Variants in SLC5A10 observed in about 807,000 individuals in gnomAD.
The protein encoded by SLC5A10 is sodium/mannose cotransporter SLC5A10.
A neutral mutation model predicts 68.9 loss-of-function variants in SLC5A10; 55 were observed. The observed-to-expected ratio is 0.80, with a 90% CI of 0.64 to 1.00. SLC5A10 has a LOEUF of 1.00. Among genes scored for constraint, SLC5A10 ranks in the 50% least tolerant of loss-of-function variants. The pLI, the probability that SLC5A10 is intolerant of heterozygous loss-of-function variation, is 0.00. For synonymous variants in SLC5A10, 344 were observed against 344.8 expected, an observed-to-expected ratio of 1.00 and a Z score of 0.02; for missense variants, 732 against 819.3, an observed-to-expected ratio of 0.89 and a Z score of 1.30.
chr17:18,978,162 G>T, intron 9 of SLC5A10: 6 of 1,532,042 alleles, frequency 3.9e-6, no homozygotes, highest in Non-Finnish European at 4.4e-6. Context: ...GGCACGGGGG[G>T]CAATGGCTCA....
intron 9 of SLC5A10, chr17:18,979,773 A>C: frequency 7.4e-7 from 1 of 1,349,528 alleles, no homozygotes; most frequent in Non-Finnish European, 1.0e-6. Context: ...GGGACTCTGG[A>C]GTAGTCAGGA....
At position 19,003,964 on chromosome 17, in the gene SLC5A10, G is replaced by T. The variant is rs771104476; in HGVS notation, c.983-9446G>T. 5 of 1,612,752 alleles carry T rather than the reference G, an allele frequency of 3.1e-6. No individual in the cohort carries two copies. In the African/African-American group the frequency reaches 5.3e-5, roughly 17 times the overall value. ...GCGCCAGCCGCTGCTCCTCGCTGTAGAAGAACTCAGGCTTGGACTCGCTGG... is the reference window on the plus strand; with the variant it reads ...GCGCCAGCCGCTGCTCCTCGCTGTATAAGAACTCAGGCTTGGACTCGCTGG... On this transcript the variant is annotated intron_variant, in intron 9 of 14. Coordinates refer to ENST00000395645, the MANE Select transcript of SLC5A10 (RefSeq NM_001042450.4). The surrounding 1 kb of genome is among the most constrained non-coding windows in gnomAD (Gnocchi z 4.5).
intron 9 of SLC5A10, among the ~76,000 whole-genome samples, chr17:18,985,389 C>T (rs2043244817): frequency 6.6e-6 from 1 of 152,212 alleles, no homozygotes; most frequent in Non-Finnish European, 1.5e-5. Flanking sequence ...CCCAAACTGG[C>T]ACCTGACACC....
At chr17:18,976,669 T>A in intron 8 of SLC5A10, 185 bp from the exon 9 acceptor site, 1 of 710,748 alleles carries the variant, frequency 1.4e-6, no homozygotes, top group South Asian at 2.1e-5. Context: ...CTTGGCCTGC[T>A]GAAGTGAGCT....
At chr17:18,997,466 G>T (rs2043596875) in intron 9 of SLC5A10, among the ~76,000 whole-genome samples, 1 of 152,198 alleles carries the variant, frequency 6.6e-6, no homozygotes, top group South Asian at 2.1e-4. Context: ...ATCCCATGTG[G>T]GCAGCAAACG....
At chr17:19,016,126 A>C in intron 11 of SLC5A10, among the ~76,000 whole-genome samples, 1 of 147,698 alleles carries the variant, frequency 6.8e-6, no homozygotes, top group Non-Finnish European at 1.5e-5. Context: ...GCTCCCTGCG[A>C]CCTCCACCTC....
intron 7 of SLC5A10, 169 bp downstream of exon 7, chr17:18,969,591 G>A: frequency 3.3e-6 from 2 of 602,638 alleles, no homozygotes; most frequent in South Asian, 4.6e-5. Flanking sequence ...CCCCCTGCTG[G>A]CCCCTCAGGG....
intron 2 of SLC5A10, 37 bp downstream of exon 2, chr17:18,958,790 G>T: frequency 6.2e-7 from 1 of 1,606,596 alleles, no homozygotes; most frequent in Non-Finnish European, 8.5e-7. Flanking sequence ...CCCCCACTTT[G>T]TCCGTGGGGC....
rs529997491 is a variant in SLC5A10, at chr17:18,996,136, GAA to G, written c.983-17262_983-17261del. Among the ~76,000 whole-genome samples the G allele has an allele frequency of 1.9e-4, 26 of 137,658 alleles. No homozygotes were observed. Among genetic ancestry groups the G allele is most frequent in the Admixed American group, 1.4e-3 (20 of 13,992 alleles). 90.3% of individuals were successfully genotyped at this position (137,658 alleles called of 152,430 possible). ...GGCAATATCTTTAAAGTACTAAATG[GAA>G]AAAAAAAAAAATCAACTTAGAATTT... On this transcript the variant is annotated intron_variant, in intron 9 of 14. Coordinates refer to ENST00000395645, the MANE Select transcript of SLC5A10 (RefSeq NM_001042450.4). The surrounding 1 kb of genome is among the most constrained non-coding windows in gnomAD (Gnocchi z 4.4).
In SLC5A10 at chr17:19,000,678, C is replaced by A. The variant is rs1307631228; in HGVS notation, c.983-12732C>A. 6.6e-6 allele frequency among the ~76,000 whole-genome samples: 1 copy of A among 152,138 alleles called. No individual in the cohort carries two copies. The highest frequency in any genetic ancestry group is 1.5e-5 in the Non-Finnish European group (1 of 68,008). On this transcript the variant is annotated intron_variant, in intron 9 of 14. Transcript: ENST00000395645. The surrounding 1 kb of genome is among the most constrained non-coding windows in gnomAD (Gnocchi z 5.2). ...GCCTAAAGCCCCCGGTGGGAAGGGG[C>A]CAGTGTGCGGCAAGGCGGCCCAGGC...
At chr17:18,956,335 C>A (rs1431682021) in intron 1 of SLC5A10, among the ~76,000 whole-genome samples, 2 of 151,688 alleles carry the variant, frequency 1.3e-5, no homozygotes, top group Non-Finnish European at 2.9e-5. Flanking sequence ...AAGAAAGAGA[C>A]CTGCATATTG....
chr17:18,971,138 C>T lies in SLC5A10; in HGVS notation c.766C>T (p.Pro256Ser). 1 of 1,614,110 alleles carries T rather than the reference C, an allele frequency of 6.2e-7. No homozygotes were observed. The highest frequency in any genetic ancestry group is 8.5e-7 in the Non-Finnish European group (1 of 1,180,034). ...AGACGCCATGCACATGTTTCGAGACCCCCACACAGGGGACCTGCCGTGGAC... is the reference window on the plus strand; with the variant it reads ...AGACGCCATGCACATGTTTCGAGACTCCCACACAGGGGACCTGCCGTGGAC... ...RTDAMHMFRD[P>S]HTGDLPWTGM... The change falls in exon 8 of 15, where the codon CCC (proline) becomes TCC (serine). Residue 256 changes from proline to serine, a missense_variant. Pro to Ser is a moderately conservative substitution (Grantham distance 74). Transcript: ENST00000395645. This position sits in a 1 kb window ranked among gnomAD's most constrained non-coding sequence, Gnocchi z 5.5.
rs770604632 is a variant in SLC5A10 at position 19,019,465 on chromosome 17, C to G, written c.1284C>G (p.Ile428Met). 9.3e-6 allele frequency: 15 copies of G among 1,611,920 alleles called. No individual in the cohort carries two copies. The South Asian group carries it at 1.6e-4, about 18-fold the overall frequency. Residue 428 changes from isoleucine (I) to methionine (M), a missense_variant, in exon 12 of 15, where the codon ATC becomes ATG. Coordinates refer to ENST00000395645, the MANE Select transcript of SLC5A10 (RefSeq NM_001042450.4). ...VALIGVSVAW[I>M]PVLQDSNSGQ... ...TCATCGGCGTGAGTGTGGCCTGGAT[C>G]CCCGTCCTGCAGGACTCCAACAGCG...
rs1456067722 is a variant in SLC5A10 at position 18,979,099 on chromosome 17, G to T, written c.982+2110G>T. On this transcript the variant is annotated intron_variant, in intron 9 of 14. Transcript: ENST00000395645. ...CTGTGCTCCTCTCAGGCTGGTACAG[G>T]ATTCACTAAGCAGCTCAGGAAGGCC... 59 of 571,226 alleles carry T rather than the reference G, an allele frequency of 1.0e-4. No individual in the cohort carries two copies. The East Asian group carries it at 1.7e-3, about 17-fold the overall frequency. The allele number at this position is 571,226 out of a possible 1,614,324, so 35.4% of individuals were successfully genotyped here.
chr17:18,967,131 G>A (rs1318926127), intron 5 of SLC5A10, among the ~76,000 whole-genome samples: 1 of 152,218 alleles, frequency 6.6e-6, no homozygotes, highest in Non-Finnish European at 1.5e-5. Flanking sequence ...GCTAAGTGAT[G>A]TCTGAATTCC....
chr17:18,990,734 G>C (rs1389439355), intron 9 of SLC5A10, among the ~76,000 whole-genome samples: 2 of 152,366 alleles, frequency 1.3e-5, no homozygotes, highest in African/African-American at 4.8e-5. Context: ...TCAGTGCCTA[G>C]GGTGGTCAGA....
Position 19,020,364 on chromosome 17 carries a change from G to A in SLC5A10, c.1724G>A (p.Arg575His), listed in dbSNP as rs369106730. The A allele has an allele frequency of 1.8e-5, 29 of 1,613,990 alleles. No homozygotes were observed. The highest frequency in any genetic ancestry group is 4.5e-5 in the East Asian group (2 of 44,880). Residue 575 changes from arginine to histidine, a missense_variant, in exon 15 of 15, where the codon CGT (arginine) becomes CAT (histidine). Transcript: ENST00000395645. ...QTPQKHAFWARVCGFNAILLM... is the reference protein window; with the variant it reads ...QTPQKHAFWAHVCGFNAILLM... ...CCCCAGAAACACGCCTTCTGGGCCC[G>A]TGTCTGTGGCTTCAATGCCATCCTC... is the stretch of plus-strand genomic sequence containing the variant.
In SLC5A10 at chr17:19,003,598, G is replaced by T. The variant is rs773807575; in HGVS notation, c.983-9812G>T. On this transcript the variant is annotated intron_variant, in intron 9 of 14. Coordinates refer to ENST00000395645, the MANE Select transcript of SLC5A10 (RefSeq NM_001042450.4). This position sits in a 1 kb window ranked among gnomAD's most constrained non-coding sequence, Gnocchi z 4.5. The stretch of plus-strand genomic sequence containing the variant: ...CGTCTATGGGGGGCTGCATGTAGAC[G>T]CTAGCCCGGGTCACGCCGCGGTAGG... The T allele has an allele frequency of 9.9e-6, 16 of 1,610,074 alleles. No homozygotes were observed. Among genetic ancestry groups the T allele is most frequent in the Non-Finnish European group, 1.3e-5 (15 of 1,178,354 alleles).
chr17:18,961,086 G>A (rs1351215097), intron 5 of SLC5A10, among the ~76,000 whole-genome samples: 1 of 152,198 alleles, frequency 6.6e-6, no homozygotes, highest in Non-Finnish European at 1.5e-5. Context: ...CTCCATCACT[G>A]ACACCCATCC....
Sources: gnomAD v4.1 joint callset for allele counts (sites outside exome capture counted in the v4.1 genomes callset) on GRCh38, gnomAD v4.1.1 for gene constraint, Gnocchi (gnomAD v3.1) non-coding constraint, MANE v1.5 for transcripts, NCBI Gene and HGNC (gene_info 2026-07-23, HGNC 2026-07-21) for gene names.